Variants in IFT122 observed in about 807,000 individuals in gnomAD.
The protein encoded by IFT122 is intraflagellar transport protein 122 homolog.
In IFT122, 118 loss-of-function variants were observed where a neutral mutation model predicts 161.6. The ratio of observed to expected loss-of-function variants is 0.73; its 90% CI spans 0.63 to 0.85. IFT122 has a LOEUF of 0.85. IFT122 is among the 40% of genes least tolerant of loss of function. The pLI is 0.00. For synonymous variants in IFT122, 550 were observed against 602.4 expected, an observed-to-expected ratio of 0.91 and a Z score of 1.27; for missense variants, 1,381 against 1,579.6, an observed-to-expected ratio of 0.87 and a Z score of 2.13.
At chr3:129,459,483 G>T (rs1219285815) in intron 4 of IFT122, 2 of 305,640 alleles carry the variant, frequency 6.5e-6, no homozygotes, top group East Asian at 2.4e-4. Flanking sequence ...TAGAGATGGG[G>T]TTTCACCATG....
At chr3:129,514,680 C>A in intron 25 of IFT122, 126 bp downstream of exon 25, 2 of 1,090,598 alleles carry the variant, frequency 1.8e-6, no homozygotes, top group South Asian at 1.3e-5. Context: ...TCTGTGCCCC[C>A]TGCTCAAGCC....
intron 8 of IFT122, among the ~76,000 whole-genome samples, chr3:129,468,806 T>G (rs2077068611): frequency 6.6e-6 from 1 of 152,250 alleles, no homozygotes; most frequent in African/African-American, 2.4e-5. Flanking sequence ...TGCTCTTTTT[T>G]GAAAATTAGA....
At chr3:129,455,006 C>G (rs974512199) in intron 3 of IFT122, among the ~76,000 whole-genome samples, 5 of 152,106 alleles carry the variant, frequency 3.3e-5, no homozygotes, top group African/African-American at 1.2e-4. Flanking sequence ...TTTGTTCTTT[C>G]TAGTGTATCA....
intron 26 of IFT122, among the ~76,000 whole-genome samples, chr3:129,516,683 AGATTGCTCCTG>A (rs372131746): frequency 8.9e-5 from 11 of 123,996 alleles, no homozygotes; most frequent in Non-Finnish European, 9.7e-5. Context: ...GCACACACAC[AGATTGCTCCTG>A]CACACACACA....
At chr3:129,442,097 GA>G (rs547902125) in intron 1 of IFT122, among the ~76,000 whole-genome samples, 4 of 149,016 alleles carry the variant, frequency 2.7e-5, no homozygotes, top group African/African-American at 9.9e-5. Context: ...CATCCACTCT[GA>G]AAAAAAAACA....
In IFT122 at chr3:129,457,428, T is replaced by C. The variant is rs573119755; in HGVS notation, c.194-1171T>C. Among the ~76,000 whole-genome samples the C allele has an allele frequency of 3.9e-5, 6 of 152,220 alleles. No individual in the cohort carries two copies. In the South Asian group the frequency reaches 1.2e-3, roughly 32 times the overall value. On this transcript the variant is annotated intron_variant, in intron 3 of 29. Coordinates refer to ENST00000348417, the MANE Select transcript of IFT122 (RefSeq NM_052989.3). ...CCTCACCCTTCCCTCCGTTCCATGA[T>C]GACTCCGCTCATTCCCTCAGACATG...
intron 20 of IFT122, chr3:129,503,948 A>G: frequency 2.9e-6 from 1 of 344,714 alleles, no homozygotes; most frequent in Non-Finnish European, 5.6e-6. Context: ...AGAAGTGGTG[A>G]TGATGATAAT....
chr3:129,484,605 A>G (rs2079063272), intron 15 of IFT122, among the ~76,000 whole-genome samples: 1 of 152,152 alleles, frequency 6.6e-6, no homozygotes, highest in South Asian at 2.1e-4. Context: ...CTGGCCTGTA[A>G]ACAAGACTTC....
At chr3:129,485,307 C>T (rs2079145514) in intron 15 of IFT122, among the ~76,000 whole-genome samples, 1 of 152,212 alleles carries the variant, frequency 6.6e-6, no homozygotes, top group African/African-American at 2.4e-5. Flanking sequence ...TTTCCCCATA[C>T]AACTCAGCTT....
chr3:129,442,797 G>C (rs913965921), intron 1 of IFT122, among the ~76,000 whole-genome samples: 1 of 152,072 alleles, frequency 6.6e-6, no homozygotes, highest in Non-Finnish European at 1.5e-5. Context: ...ATGTCAAGTC[G>C]TGCATTTTGC....
In IFT122 at chr3:129,489,615, G is replaced by A. The variant is rs111682368; in HGVS notation, c.1992+1218G>A. The stretch of plus-strand genomic sequence containing the variant: ...AGCACTTTGGGAGGCCGAGGTGTGC[G>A]GATCACAAGGTCAGGAGATCGAGAC... On this transcript the variant is annotated intron_variant, in intron 16 of 29. Coordinates refer to ENST00000348417, the MANE Select transcript of IFT122 (RefSeq NM_052989.3). Among the ~76,000 whole-genome samples, 630 of 152,140 alleles carry A rather than the reference G, an allele frequency of 4.1e-3. 5 individuals are homozygous for A. Among genetic ancestry groups the A allele is most frequent in the African/African-American group, 0.015 (607 of 41,502 alleles).
rs552320830 is a variant in IFT122, at chr3:129,445,234, G to A, written c.42-4637G>A. Among the ~76,000 whole-genome samples, 9 of 152,266 alleles carry A rather than the reference G, an allele frequency of 5.9e-5. No homozygotes were observed. The East Asian group carries it at 1.4e-3, about 23-fold the overall frequency. On this transcript the variant is annotated intron_variant, in intron 1 of 29. Coordinates refer to ENST00000348417, the MANE Select transcript of IFT122 (RefSeq NM_052989.3). ...CCAGCTACTCAGGAGGCTAAGGCAG[G>A]AGAATCGATTGAAACTGGGAGGCAG... is the stretch of plus-strand genomic sequence containing the variant.
Position 129,483,681 on chromosome 3 carries a change from A to G in IFT122, c.1850A>G (p.Gln617Arg), listed in dbSNP as rs762275585. 2.7e-5 allele frequency: 43 copies of G among 1,589,350 alleles called. No individual in the cohort carries two copies. The highest frequency in any genetic ancestry group is 3.6e-5 in the Non-Finnish European group (42 of 1,167,596). ...TCCATTTCTGCCGTGGAGGTGCCGCAGGTAACTGGGGGTGCCTGTCCACTC... is the reference window on the plus strand; with the variant it reads ...TCCATTTCTGCCGTGGAGGTGCCGCGGGTAACTGGGGGTGCCTGTCCACTC... ...VFSISAVEVP[Q>R]SAPMYQYLDR... is the part of the protein sequence containing the mutation. The change falls in exon 15 of 30, where the codon CAG becomes CGG. Residue 617 changes from glutamine (Q) to arginine (R), a missense_variant and splice_region_variant. Transcript: ENST00000348417.
chr3:129,503,405 A>G (rs1311334274), intron 20 of IFT122, among the ~76,000 whole-genome samples: 5 of 152,036 alleles, frequency 3.3e-5, no homozygotes, highest in Non-Finnish European at 7.4e-5. Flanking sequence ...AGGGGCTGTA[A>G]AGAATTAGCC....
chr3:129,465,107 G>A (rs1279741657), intron 7 of IFT122, among the ~76,000 whole-genome samples: 1 of 133,694 alleles, frequency 7.5e-6, no homozygotes. Flanking sequence ...ACGTGTACAT[G>A]TATATGAGTG....
chr3:129,474,325 A>T (rs970320413), intron 9 of IFT122, among the ~76,000 whole-genome samples: 5 of 152,212 alleles, frequency 3.3e-5, no homozygotes, highest in African/African-American at 1.2e-4. Context: ...CCAGTTCCCT[A>T]AAGTTATTTC....
chr3:129,480,229 G>A (rs947558710), intron 13 of IFT122, among the ~76,000 whole-genome samples: 1 of 152,228 alleles, frequency 6.6e-6, no homozygotes, highest in African/African-American at 2.4e-5. Flanking sequence ...TGTTGCTTCT[G>A]TGGATTTCTA....
rs1577085265 is a variant in IFT122, at chr3:129,440,478, G to A, written c.41+107G>A. The A allele has an allele frequency of 6.7e-6, 9 of 1,342,476 alleles. No homozygotes were observed. The East Asian group carries it at 2.0e-4, about 30-fold the overall frequency. 83.2% of individuals were successfully genotyped at this position (1,342,476 alleles called of 1,614,324 possible). A position where few individuals can be genotyped will look rare whatever the true frequency, so the allele number is the denominator to read the frequency against. Reference sequence around the variant, plus strand: ...GGGCAGCGGGCTTGCTGCCTGGGCCGAGGGCACTGAACCCCGGCCTGGGAG... The same window carrying A: ...GGGCAGCGGGCTTGCTGCCTGGGCCAAGGGCACTGAACCCCGGCCTGGGAG... On this transcript the variant is annotated intron_variant, in intron 1 of 29. Transcript: ENST00000348417.
At chr3:129,497,782 A>G (rs1262807807) in intron 18 of IFT122, among the ~76,000 whole-genome samples, 1 of 152,218 alleles carries the variant, frequency 6.6e-6, no homozygotes, top group Non-Finnish European at 1.5e-5. Context: ...ATGTACCTAC[A>G]CATTATGTGG....
Sources: gnomAD v4.1 joint callset for allele counts (sites outside exome capture counted in the v4.1 genomes callset) on GRCh38, gnomAD v4.1.1 for gene constraint, MANE v1.5 for transcripts, NCBI Gene and HGNC (gene_info 2026-07-23, HGNC 2026-07-21) for gene names.